ALDH1A3: variants seen among roughly 807,000 people sequenced by gnomAD.
The protein encoded by ALDH1A3 is aldehyde dehydrogenase 1 family member A3, also known as retinaldehyde dehydrogenase 3.
Under a neutral mutation model 57.5 loss-of-function variants are expected in ALDH1A3, and 28 were observed. That is an observed-to-expected ratio of 0.49 (90% confidence interval 0.36 to 0.67). The LOEUF is 0.67. Ranked by LOEUF, ALDH1A3 falls within the 30% of genes least tolerant of loss-of-function variation. The probability of loss-of-function intolerance (pLI) is 0.00; values close to 1 mark genes in which losing one functional copy is unlikely to be tolerated. For missense variants in ALDH1A3, 507 were observed against 669.4 expected, an observed-to-expected ratio of 0.76 and a Z score of 2.68; for synonymous variants, 281 against 264.8, an observed-to-expected ratio of 1.06 and a Z score of -0.59.
At chr15:100,904,694 G>A (rs1042982398) in intron 9 of ALDH1A3, among the ~76,000 whole-genome samples, 2 of 152,166 alleles carry the variant, frequency 1.3e-5, no homozygotes, top group South Asian at 4.1e-4. Flanking sequence ...CTCCCAAAAG[G>A]GTGCGCTTTT....
chr15:100,887,857 C>A lies in ALDH1A3; in HGVS notation c.345+145C>A. ...CATCCTCTGAGACACGGCTCTCTGG[C>A]AATACTTGCAGGTGTTAATGCCTCT... On this transcript the variant is annotated intron_variant, in intron 3 of 12. Transcript: ENST00000329841. The surrounding 1 kb of genome is among the most constrained non-coding windows in gnomAD (Gnocchi z 4.6). 2 of 1,028,406 alleles carry A rather than the reference C, an allele frequency of 1.9e-6. No individual in the cohort carries two copies. The highest frequency in any genetic ancestry group is 2.7e-6 in the Non-Finnish European group (2 of 753,002). 63.7% of individuals were successfully genotyped at this position (1,028,406 alleles called of 1,614,324 possible).
chr15:100,890,701 G>T (rs2041640167), intron 3 of ALDH1A3, among the ~76,000 whole-genome samples: 1 of 152,132 alleles, frequency 6.6e-6, no homozygotes, highest in Non-Finnish European at 1.5e-5. Flanking sequence ...GCAGAATCTT[G>T]GCTCCATGTC....
At chr15:100,913,581 C>T (rs886187246) in intron 12 of ALDH1A3, 2 of 152,240 alleles carry the variant, frequency 1.3e-5, no homozygotes, top group African/African-American at 4.8e-5. Flanking sequence ...GAGAGTCTCC[C>T]TCTTTTAAAG....
intron 4 of ALDH1A3, 74 bp downstream of exon 4, chr15:100,892,713 C>CT: frequency 2.0e-6 from 3 of 1,532,184 alleles, no homozygotes; most frequent in Non-Finnish European, 2.6e-6. Flanking sequence ...AGAGCCCCCC[C>CT]TGACTGTTTC....
chr15:100,900,854 A>G, intron 9 of ALDH1A3, 95 bp downstream of exon 9: 1 of 1,349,868 alleles, frequency 7.4e-7, no homozygotes. Flanking sequence ...TCTCCGTGAA[A>G]GGAATGCTGA....
At chr15:100,884,481 A>G (rs771221932) in intron 1 of ALDH1A3, among the ~76,000 whole-genome samples, 1 of 151,992 alleles carries the variant, frequency 6.6e-6, no homozygotes, top group Non-Finnish European at 1.5e-5. Flanking sequence ...ACATCTCTTA[A>G]TGTAACCTGG....
chr15:100,911,400 T>C (rs1010338323), intron 12 of ALDH1A3, among the ~76,000 whole-genome samples: 5 of 152,316 alleles, frequency 3.3e-5, no homozygotes, highest in African/African-American at 9.6e-5. Context: ...AAAAATGATA[T>C]AGTAACCAAA....
rs116367590 is a variant in ALDH1A3 at position 100,914,559 on chromosome 15, T to A, written c.1467-142T>A. 2,255 of 674,226 alleles carry A rather than the reference T, an allele frequency of 3.3e-3. 43 individuals carry two copies. The African/African-American group carries it at 0.035, about 11-fold the overall frequency. 41.8% of individuals were successfully genotyped at this position (674,226 alleles called of 1,614,324 possible). ...TTACTAGTGCTGTTATAGTCCTGGC[T>A]ATTATTCCATGAGGTCGTCACATTT... On this transcript the variant is annotated intron_variant, in intron 12 of 12. Transcript: ENST00000329841.
chr15:100,903,384 C>T (rs1182720218), intron 9 of ALDH1A3, among the ~76,000 whole-genome samples: 1 of 152,162 alleles, frequency 6.6e-6, no homozygotes, highest in East Asian at 1.9e-4. Flanking sequence ...CCATGGGAAC[C>T]TGCCTGATTC....
rs1021755463 is a variant in ALDH1A3, at chr15:100,915,744, A to G, written c.*971A>G. ...CCCAATTTAGATTAGTAAAGCGTAC[A>G]CAACTGGAAAGACTGCTGTAATAAC... is the stretch of plus-strand genomic sequence containing the variant. On this transcript the variant is annotated 3_prime_UTR_variant, in exon 13 of 13. Transcript: ENST00000329841. 6.6e-6 allele frequency: 1 copy of G among 152,370 alleles called. No homozygotes were observed. Among genetic ancestry groups the G allele is most frequent in the East Asian group, 1.9e-4 (1 of 5,188 alleles). The allele number at this position is 152,370 out of a possible 1,614,324, so 9.4% of individuals were successfully genotyped here.
rs1288925700 is a variant in ALDH1A3 at position 100,914,877 on chromosome 15, T to C, written c.*104T>C. 1 of 1,031,452 alleles carries C rather than the reference T, an allele frequency of 9.7e-7. No individual in the cohort carries two copies. Among genetic ancestry groups the C allele is most frequent in the South Asian group, 1.5e-5 (1 of 68,622 alleles). 63.9% of individuals were successfully genotyped at this position (1,031,452 alleles called of 1,614,324 possible). A position where few individuals can be genotyped will look rare whatever the true frequency, so the allele number is the denominator to read the frequency against. ...TTTCTGACCTTCCCGGGACACATTC[T>C]TCTGGAGGCTTTACATCTACTGGAG... On this transcript the variant is annotated 3_prime_UTR_variant, in exon 13 of 13. Coordinates refer to ENST00000329841, the MANE Select transcript of ALDH1A3 (RefSeq NM_000693.4).
intron 3 of ALDH1A3, among the ~76,000 whole-genome samples, chr15:100,891,126 C>T (rs2041644983): frequency 6.6e-6 from 1 of 152,224 alleles, no homozygotes; most frequent in East Asian, 1.9e-4. Flanking sequence ...TCAGTGTTCT[C>T]ATGTGAACAC....
At chr15:100,900,544 C>G (rs778737015) in intron 8 of ALDH1A3, 31 bp from the exon 9 acceptor site, 4 of 1,550,990 alleles carry the variant, frequency 2.6e-6, no homozygotes, top group African/African-American at 1.4e-5. Flanking sequence ...TCCTCTCGCT[C>G]TGCCCGCCTC....
At position 100,908,416 on chromosome 15, in the gene ALDH1A3, G is replaced by C. The variant is rs1159354141; in HGVS notation, c.1400G>C (p.Cys467Ser). 6.2e-7 allele frequency: 1 copy of C among 1,613,808 alleles called. No individual in the cohort carries two copies. The highest frequency in any genetic ancestry group is 8.5e-7 in the Non-Finnish European group (1 of 1,179,724). Residue 467 changes from cysteine (C) to serine (S), a missense_variant, in exon 12 of 13, where the codon TGC becomes TCC. Physicochemically the swap from Cys to Ser is moderately radical, Grantham distance 112 (BLOSUM62 -1). Coordinates refer to ENST00000329841, the MANE Select transcript of ALDH1A3 (RefSeq NM_000693.4). ...CTTCCATTCTTTTCTAGGATCAACT[G>C]CTACAACGCCCTCTATGCACAGGCT... is the stretch of plus-strand genomic sequence containing the variant. ...ALESGTVWIN[C>S]YNALYAQAPF... is the part of the protein sequence containing the mutation.
intron 1 of ALDH1A3, among the ~76,000 whole-genome samples, chr15:100,882,538 T>A (rs2041556247): frequency 6.6e-6 from 1 of 152,260 alleles, no homozygotes; most frequent in South Asian, 2.1e-4. Context: ...CTGAGTGGCC[T>A]GTTGTCAGAT....
Position 100,906,374 on chromosome 15 carries a change from C to A in ALDH1A3, c.1233+687C>A, listed in dbSNP as rs1315831131. 6.6e-6 allele frequency among the ~76,000 whole-genome samples: 1 copy of A among 152,148 alleles called. No homozygotes were observed. The highest frequency in any genetic ancestry group is 1.5e-5 in the Non-Finnish European group (1 of 68,008). On this transcript the variant is annotated intron_variant, in intron 10 of 12. Transcript: ENST00000329841. This position sits in a 1 kb window ranked among gnomAD's most constrained non-coding sequence, Gnocchi z 4.8. ...GGGCACATAAAAGGATGAGTCCCTG[C>A]CAAGGGCTTTCTGGGGCAGGTATTT...
intron 2 of ALDH1A3, among the ~76,000 whole-genome samples, chr15:100,886,634 A>C (rs991076678): frequency 2.6e-5 from 4 of 152,262 alleles, no homozygotes; most frequent in African/African-American, 9.6e-5. Context: ...AGAAAGAGAG[A>C]GGCATGGAGG....
In ALDH1A3 at chr15:100,893,011, G is replaced by T; in HGVS notation, c.537+5G>T. ...GTCTGTGGGGCCATCACTCCAGTAAGTATGGCAGCCTTTCTCAGTAGATTC... is the reference window on the plus strand; with the variant it reads ...GTCTGTGGGGCCATCACTCCAGTAATTATGGCAGCCTTTCTCAGTAGATTC... On this transcript the variant is annotated splice_donor_5th_base_variant and intron_variant, in intron 5 of 12. Coordinates refer to ENST00000329841, the MANE Select transcript of ALDH1A3 (RefSeq NM_000693.4). The surrounding 1 kb of genome is among the most constrained non-coding windows in gnomAD (Gnocchi z 4.8). The T allele has an allele frequency of 6.2e-7, 1 of 1,613,146 alleles. No homozygotes were observed. Among genetic ancestry groups the T allele is most frequent in the African/African-American group, 1.3e-5 (1 of 75,020 alleles).
rs577740830 is a variant in ALDH1A3 at position 100,880,257 on chromosome 15, G to A, written c.99+251G>A. 8 of 388,784 alleles carry A rather than the reference G, an allele frequency of 2.1e-5. No homozygotes were observed. The South Asian group carries it at 1.0e-3, about 50-fold the overall frequency. 24.1% of individuals were successfully genotyped at this position (388,784 alleles called of 1,614,324 possible). A position where few individuals can be genotyped will look rare whatever the true frequency, so the allele number is the denominator to read the frequency against. On this transcript the variant is annotated intron_variant, in intron 1 of 12. Transcript: ENST00000329841. The stretch of plus-strand genomic sequence containing the variant: ...AACCGAGGCCGTCCAGCGCCCGCGC[G>A]GGGCCGGGCCGCCCGCATCCCTGCG...
Sources: allele counts gnomAD v4.1 joint callset (sites outside exome capture counted in the v4.1 genomes callset), GRCh38; gene constraint gnomAD v4.1.1; non-coding constraint Gnocchi (gnomAD v3.1); transcripts MANE v1.5; gene names NCBI Gene and HGNC (gene_info 2026-07-23, HGNC 2026-07-21).